The following HERC4 variants were observed in gnomAD, a reference collection of about 807,000 sequenced individuals.
The protein encoded by HERC4 is HECT and RLD domain containing E3 ubiquitin protein ligase 4, also known as probable E3 ubiquitin-protein ligase HERC4.
HERC4 carries 28 observed loss-of-function variants against 124.3 expected under a neutral mutation model. The ratio of observed to expected loss-of-function variants is 0.23; its 90% CI spans 0.17 to 0.31. HERC4 has a LOEUF of 0.31. Among genes scored for constraint, HERC4 ranks in the 10% least tolerant of loss-of-function variants. The probability of loss-of-function intolerance (pLI) is 1.00; values close to 1 mark genes in which losing one functional copy is unlikely to be tolerated. For missense variants in HERC4, 713 were observed against 1,229.3 expected, an observed-to-expected ratio of 0.58 and a Z score of 6.28; for synonymous variants, 407 against 421.5, an observed-to-expected ratio of 0.97 and a Z score of 0.42.
chr10:67,963,256 G>A (rs1389951903), intron 16 of HERC4, among the ~76,000 whole-genome samples: 1 of 152,022 alleles, frequency 6.6e-6, no homozygotes, highest in Non-Finnish European at 1.5e-5. Context: ...TCACTCTGTT[G>A]CCCAGGCTGG....
At chr10:68,070,015 C>A in intron 3 of HERC4, 1 of 878,510 alleles carries the variant, frequency 1.1e-6, no homozygotes, top group Non-Finnish European at 1.4e-6. Flanking sequence ...GCATTCCAGC[C>A]TGGGCAACAG....
At chr10:67,990,870 A>G (rs181918023) in intron 13 of HERC4, 34 bp downstream of exon 13, 37 of 1,376,358 alleles carry the variant, frequency 2.7e-5, no homozygotes, top group Non-Finnish European at 3.6e-5. Flanking sequence ...AAATCAACAG[A>G]TAATACTGTA....
At chr10:68,070,664 A>G (rs2041529406) in intron 3 of HERC4, 1 of 152,082 alleles carries the variant, frequency 6.6e-6, no homozygotes, top group South Asian at 2.1e-4. Context: ...CAAAGCTGAG[A>G]TTAAAAGATG....
chr10:67,969,544 A>G (rs977605424), intron 15 of HERC4, among the ~76,000 whole-genome samples: 1 of 152,168 alleles, frequency 6.6e-6, no homozygotes, highest in Non-Finnish European at 1.5e-5. Flanking sequence ...CACATGAGAA[A>G]GGAACAAAGG....
chr10:68,012,901 A>G (rs2038051048), intron 9 of HERC4, among the ~76,000 whole-genome samples: 1 of 152,230 alleles, frequency 6.6e-6, no homozygotes, highest in Non-Finnish European at 1.5e-5. Context: ...GTGATCTCAT[A>G]TCACTAATTT....
intron 15 of HERC4, among the ~76,000 whole-genome samples, chr10:67,983,399 A>G (rs1414083580): frequency 1.3e-5 from 2 of 152,226 alleles, no homozygotes; most frequent in Non-Finnish European, 2.9e-5. Context: ...AAAGCAGTAT[A>G]TCATACAGGT....
chr10:67,948,914 C>CT (rs2033588603), intron 19 of HERC4, among the ~76,000 whole-genome samples: 1 of 150,996 alleles, frequency 6.6e-6, no homozygotes, highest in Non-Finnish European at 1.5e-5. Context: ...GAGCAAGACT[C>CT]TATCTCACAC....
At chr10:68,049,873 T>C (rs1384922250) in intron 3 of HERC4, among the ~76,000 whole-genome samples, 1 of 152,098 alleles carries the variant, frequency 6.6e-6, no homozygotes, top group African/African-American at 2.4e-5. Flanking sequence ...ATTGTGCCAC[T>C]GCACTCAAGC....
chr10:67,992,184 A>C lies in HERC4; in HGVS notation c.1271+15T>G, dbSNP rs772299476. 1.2e-6 allele frequency: 2 copies of C among 1,612,200 alleles called. No homozygotes were observed. Among genetic ancestry groups the C allele is most frequent in the Non-Finnish European group, 1.7e-6 (2 of 1,179,300 alleles). ...GGCATGAGCCACTGTGCCTGGCCCAAAATGCTTTTCTTACTTGGCTATCTC... is the reference window on the plus strand; with the variant it reads ...GGCATGAGCCACTGTGCCTGGCCCACAATGCTTTTCTTACTTGGCTATCTC... On this transcript the variant is annotated intron_variant, in intron 11 of 24. Transcript: ENST00000373700.
chr10:67,942,872 C>G (rs185519216), intron 19 of HERC4, among the ~76,000 whole-genome samples: 1 of 152,300 alleles, frequency 6.6e-6, no homozygotes, highest in Non-Finnish European at 1.5e-5. Flanking sequence ...ACGTTTTCAT[C>G]TGTATATATA....
At chr10:68,045,022 C>A (rs900961398) in intron 3 of HERC4, among the ~76,000 whole-genome samples, 6 of 152,114 alleles carry the variant, frequency 3.9e-5, no homozygotes, top group Admixed American at 3.9e-4. Context: ...TGAAGTGATT[C>A]TGAAATTAAG....
At chr10:68,055,111 G>A (rs2040487961) in intron 3 of HERC4, among the ~76,000 whole-genome samples, 1 of 151,864 alleles carries the variant, frequency 6.6e-6, no homozygotes, top group African/African-American at 2.4e-5. Flanking sequence ...TATTAGGGAC[G>A]GGGTTTCACC....
At chr10:68,025,219 T>A (rs1475661804) in intron 8 of HERC4, among the ~76,000 whole-genome samples, 1 of 150,872 alleles carries the variant, frequency 6.6e-6, no homozygotes, top group East Asian at 2.0e-4. Context: ...CAAGACTCTA[T>A]CACCCCAAAA....
chr10:68,067,481 G>C (rs113888864), intron 3 of HERC4, among the ~76,000 whole-genome samples: 1,584 of 152,308 alleles, frequency 0.01, 20 homozygotes, highest in Middle Eastern at 0.027. Context: ...TTCTGGTTCA[G>C]TAAGAAATGT....
At chr10:67,970,771 GGCATAAAAGAAAATCTATA>G (rs1465037225) in intron 15 of HERC4, among the ~76,000 whole-genome samples, 2 of 151,792 alleles carry the variant, frequency 1.3e-5, no homozygotes, top group Non-Finnish European at 2.9e-5. Context: ...AATAAATCCA[GGCATAAAAGAAAATCTATA>G]GCATTAAATG....
intron 22 of HERC4, among the ~76,000 whole-genome samples, chr10:67,934,347 T>C (rs2032134339): frequency 6.6e-6 from 1 of 152,202 alleles, no homozygotes; most frequent in African/African-American, 2.4e-5. Context: ...CCAAAAGAAA[T>C]ATCCATTTCC....
At chr10:67,951,123 A>G (rs2033761410) in intron 19 of HERC4, among the ~76,000 whole-genome samples, 1 of 152,170 alleles carries the variant, frequency 6.6e-6, no homozygotes, top group Non-Finnish European at 1.5e-5. Flanking sequence ...TTCATGATAA[A>G]GCTTATTACA....
At chr10:67,949,941 C>A (rs976443839) in intron 19 of HERC4, among the ~76,000 whole-genome samples, 2 of 151,972 alleles carry the variant, frequency 1.3e-5, no homozygotes, top group African/African-American at 4.8e-5. Flanking sequence ...ATCGCTTGAA[C>A]CTGGAAGGTG....
chr10:67,932,887 T>C (rs963681805), intron 22 of HERC4, 107 bp from the exon 23 acceptor site: 43 of 944,290 alleles, frequency 4.6e-5, no homozygotes, highest in Non-Finnish European at 6.0e-5. Context: ...GCTACATATC[T>C]ACGAAACTGA....
Sources: allele counts gnomAD v4.1 joint callset (sites outside exome capture counted in the v4.1 genomes callset), GRCh38; gene constraint gnomAD v4.1.1; transcripts MANE v1.5; gene names NCBI Gene and HGNC (gene_info 2026-07-23, HGNC 2026-07-21).